STXBP4: variants seen among roughly 807,000 people sequenced by gnomAD.
STXBP4 encodes syntaxin-binding protein 4.
STXBP4 carries 55 observed loss-of-function variants against 76.1 expected under a neutral mutation model. The observed-to-expected ratio is 0.72, with a 90% CI of 0.58 to 0.91. The LOEUF (loss-of-function observed/expected upper bound fraction) is 0.91, where lower values mean the gene tolerates loss of function less well. STXBP4 is among the 40% of genes least tolerant of loss of function. The pLI is 0.00. For missense variants in STXBP4, 618 were observed against 636.9 expected, an observed-to-expected ratio of 0.97 and a Z score of 0.32; for synonymous variants, 201 against 220.2, an observed-to-expected ratio of 0.91 and a Z score of 0.77.
At chr17:55,125,011 C>G (rs776402884) in intron 16 of STXBP4, among the ~76,000 whole-genome samples, 1 of 152,116 alleles carries the variant, frequency 6.6e-6, no homozygotes, top group Admixed American at 6.6e-5. Context: ...AAAGGCCACA[C>G]CTACAAATGC....
chr17:55,042,445 T>C (rs929324864), intron 10 of STXBP4, among the ~76,000 whole-genome samples: 6 of 152,158 alleles, frequency 3.9e-5, no homozygotes, highest in African/African-American at 1.4e-4. Context: ...CACATTTGCC[T>C]TACCTATCTA....
intron 8 of STXBP4, among the ~76,000 whole-genome samples, chr17:55,013,481 T>G (rs557065643): frequency 1.6e-3 from 241 of 152,356 alleles, no homozygotes; most frequent in Middle Eastern, 3.4e-3. Flanking sequence ...GGAACTCTCT[T>G]AGTTGCTTTA....
At chr17:55,027,758 G>T (rs57250299) in intron 8 of STXBP4, among the ~76,000 whole-genome samples, 7,194 of 152,074 alleles carry the variant, frequency 0.047, 272 homozygotes, top group East Asian at 0.2. Flanking sequence ...AACAGATCAA[G>T]AATGATAAAG....
chr17:55,049,651 A>G (rs1041398197), intron 12 of STXBP4, among the ~76,000 whole-genome samples: 1 of 152,042 alleles, frequency 6.6e-6, no homozygotes, highest in Non-Finnish European at 1.5e-5. Flanking sequence ...AAAAGGACAC[A>G]CAAAGAAATG....
intron 4 of STXBP4, 134 bp downstream of exon 4, chr17:54,991,091 A>T: frequency 2.0e-6 from 2 of 986,774 alleles, no homozygotes; most frequent in Non-Finnish European, 2.7e-6. Flanking sequence ...AAGGAATTAG[A>T]AGATAAGACT....
chr17:55,108,626 GCA>G (rs1170865318), intron 16 of STXBP4, among the ~76,000 whole-genome samples: 1 of 152,202 alleles, frequency 6.6e-6, no homozygotes, highest in Non-Finnish European at 1.5e-5. Context: ...GTTCCTCACG[GCA>G]CAGTCCCTCG....
rs2080324570 is a variant in STXBP4 at position 55,160,113 on chromosome 17, G to A, written c.*202G>A. ...TAAAAAATCAATTGCCACTACAGTAGTTCCTTAAGAATAATCTAGTTATAT... is the reference window on the plus strand; with the variant it reads ...TAAAAAATCAATTGCCACTACAGTAATTCCTTAAGAATAATCTAGTTATAT... On this transcript the variant is annotated 3_prime_UTR_variant, in exon 18 of 18. Coordinates refer to ENST00000376352, the MANE Select transcript of STXBP4 (RefSeq NM_178509.6). 4.9e-6 allele frequency: 2 copies of A among 409,390 alleles called. No homozygotes were observed. Among genetic ancestry groups the A allele is most frequent in the African/African-American group, 4.1e-5 (2 of 48,890 alleles). The allele number at this position is 409,390 out of a possible 1,614,324, so 25.4% of individuals were successfully genotyped here.
chr17:55,191,633 C>CTTTTTCTA, the STXBP4 span, among the ~76,000 whole-genome samples: 1 of 152,192 alleles, frequency 6.6e-6, no homozygotes, highest in African/African-American at 2.4e-5. Flanking sequence ...ACCTCAGTCT[C>CTTTTTCTA]TGACTCTTTT....
chr17:55,176,345 G>C (rs531689495), downstream of STXBP4, among the ~76,000 whole-genome samples: 39 of 152,282 alleles, frequency 2.6e-4, no homozygotes, highest in Admixed American at 9.2e-4. Context: ...AGATATTGAC[G>C]AGGCATGTGG....
At chr17:55,154,228 T>G (rs900381062) in intron 17 of STXBP4, among the ~76,000 whole-genome samples, 1 of 152,160 alleles carries the variant, frequency 6.6e-6, no homozygotes, top group Admixed American at 6.6e-5. Flanking sequence ...CACTCCAGCT[T>G]CTTAAAAACC....
chr17:55,185,326 T>TCTCCTCCTCCTCCTCCTCCTCCTC, the STXBP4 span, among the ~76,000 whole-genome samples: 29 of 74,710 alleles, frequency 3.9e-4, 1 homozygote, highest in East Asian at 2.3e-3. Flanking sequence ...TCCTTCTCCT[T>TCTCCTCCTCCTCCTCCTCCTCCTC]CTCCTCCTCC....
rs766615432 is a variant in STXBP4 at position 55,081,109 on chromosome 17, G to A, written c.1415G>A (p.Arg472His). The change falls in exon 16 of 18, where the codon CGT (arginine) becomes CAT (histidine). Residue 472 changes from arginine (R) to histidine (H), a missense_variant. Arg to His is a conservative substitution (Grantham distance 29). Coordinates refer to ENST00000376352, the MANE Select transcript of STXBP4 (RefSeq NM_178509.6). ...CTCACACCACTGGGAAGGAATGGACGTAGCATCCCAGCAACGCTGGCGCTT... is the reference window on the plus strand; with the variant it reads ...CTCACACCACTGGGAAGGAATGGACATAGCATCCCAGCAACGCTGGCGCTT... ...TSLTPLGRNG[R>H]SIPATLALES... The A allele has an allele frequency of 9.6e-6, 15 of 1,557,766 alleles. No individual in the cohort carries two copies. The South Asian group carries it at 1.1e-4, about 11-fold the overall frequency.
At chr17:55,067,850 C>G (rs921373615) in intron 12 of STXBP4, among the ~76,000 whole-genome samples, 5 of 152,008 alleles carry the variant, frequency 3.3e-5, no homozygotes, top group Non-Finnish European at 5.9e-5. Flanking sequence ...GAAGACTTCA[C>G]AGTGCTTAAT....
intron 11 of STXBP4, chr17:55,043,857 T>C: frequency 1.8e-6 from 1 of 554,836 alleles, no homozygotes; most frequent in South Asian, 2.6e-5. Flanking sequence ...TGTTTTTGTT[T>C]TGTGTTTTTG....
chr17:55,064,862 A>G (rs1268582618), intron 12 of STXBP4, among the ~76,000 whole-genome samples: 1 of 151,926 alleles, frequency 6.6e-6, no homozygotes, highest in Non-Finnish European at 1.5e-5. Flanking sequence ...GTTTTTTATA[A>G]CTTTATTTAA....
At chr17:55,043,789 C>G in intron 11 of STXBP4, 1 of 646,302 alleles carries the variant, frequency 1.5e-6, no homozygotes, top group Non-Finnish European at 2.6e-6. Context: ...ACACACATAT[C>G]CCAAATATAC....
At chr17:55,074,273 C>T (rs1349847821) in intron 13 of STXBP4, among the ~76,000 whole-genome samples, 3 of 152,160 alleles carry the variant, frequency 2.0e-5, no homozygotes, top group African/African-American at 7.2e-5. Flanking sequence ...AGTCACTAAA[C>T]TATTTCTCAC....
chr17:55,105,217 A>G (rs244379), intron 16 of STXBP4, among the ~76,000 whole-genome samples: 120,435 of 152,006 alleles, frequency 0.79, 48,252 homozygotes, highest in East Asian at 0.91. Flanking sequence ...GTGATGTTAG[A>G]GTGTCAATTT....
At chr17:55,057,047 T>G (rs1440395138) in intron 12 of STXBP4, among the ~76,000 whole-genome samples, 1 of 152,202 alleles carries the variant, frequency 6.6e-6, no homozygotes, top group South Asian at 2.1e-4. Flanking sequence ...ATGAAAAAGT[T>G]CAATTTCACT....
Sources: gnomAD v4.1 joint callset for allele counts (sites outside exome capture counted in the v4.1 genomes callset) on GRCh38, gnomAD v4.1.1 for gene constraint, MANE v1.5 for transcripts, NCBI Gene and HGNC (gene_info 2026-07-23, HGNC 2026-07-21) for gene names.